Variants in PCTP observed in about 807,000 individuals in gnomAD.
PCTP encodes phosphatidylcholine transfer protein, also known as START domain-containing protein 2.
In PCTP, 27 loss-of-function variants were observed where a neutral mutation model predicts 31.0. The observed-to-expected ratio is 0.87, with a 90% CI of 0.64 to 1.20. The LOEUF is 1.20. PCTP is among the 50% of genes most tolerant of loss of function. The pLI is 0.00. For missense variants in PCTP, 287 were observed against 268.2 expected, an observed-to-expected ratio of 1.07 and a Z score of -0.49; for synonymous variants, 108 against 101.2, an observed-to-expected ratio of 1.07 and a Z score of -0.40.
intron 1 of PCTP, among the ~76,000 whole-genome samples, chr17:55,760,958 G>A (rs1289643009): frequency 2.4e-4 from 36 of 152,146 alleles, no homozygotes; most frequent in Non-Finnish European, 7.3e-5. Context: ...CTGTGTGATG[G>A]GTCTTCTTTA....
intron 3 of PCTP, among the ~76,000 whole-genome samples, chr17:55,798,285 C>T (rs1364766999): frequency 6.6e-6 from 1 of 151,892 alleles, no homozygotes; most frequent in Non-Finnish European, 1.5e-5. Flanking sequence ...GATAATATAG[C>T]AGAAGCAATG....
chr17:55,803,605 G>A (rs1330231781), intron 3 of PCTP, among the ~76,000 whole-genome samples: 2 of 152,094 alleles, frequency 1.3e-5, no homozygotes, highest in Non-Finnish European at 2.9e-5. Context: ...AACAAGCAAT[G>A]GGGAAAGGAT....
At chr17:55,843,216 T>C (rs1906040839), downstream of PCTP, among the ~76,000 whole-genome samples, 1 of 152,176 alleles carries the variant, frequency 6.6e-6, no homozygotes, top group South Asian at 2.1e-4. Context: ...TATTATCTTA[T>C]TTCTTCTAGT....
intron 3 of PCTP, among the ~76,000 whole-genome samples, chr17:55,795,422 G>A (rs1028312331): frequency 6.6e-6 from 1 of 152,038 alleles, no homozygotes; most frequent in Non-Finnish European, 1.5e-5. Flanking sequence ...ATAAAGGGGA[G>A]TGGGGGTTGC....
At chr17:55,766,123 C>A (rs940881291) in intron 1 of PCTP, among the ~76,000 whole-genome samples, 1 of 152,188 alleles carries the variant, frequency 6.6e-6, no homozygotes, top group African/African-American at 2.4e-5. Flanking sequence ...TTATAGCTAT[C>A]TCTAGCACTG....
intron 2 of PCTP, chr17:55,770,895 C>CTTTT (rs5821104): frequency 4.2e-5 from 13 of 307,662 alleles, no homozygotes; most frequent in South Asian, 1.6e-4. Flanking sequence ...GATTTTTTTG[C>CTTTT]TTTTTTTTTT....
intron 3 of PCTP, among the ~76,000 whole-genome samples, chr17:55,801,884 T>C (rs1022932726): frequency 1.4e-4 from 21 of 151,808 alleles, no homozygotes; most frequent in African/African-American, 5.1e-4. Flanking sequence ...CTGAGGGAGA[T>C]AGAGACATGA....
chr17:55,776,524 C>T lies in PCTP; in HGVS notation c.*424C>T, dbSNP rs1403394709. ...GAATGACTATTTGGGCGGGCTGGCT[C>T]TTTTGCAGCTTGTGATTTCTTCCAG... is the stretch of plus-strand genomic sequence containing the variant. On this transcript the variant is annotated 3_prime_UTR_variant, in exon 6 of 6. Transcript: ENST00000268896. 2 of 1,231,974 alleles carry T rather than the reference C, an allele frequency of 1.6e-6. No individual in the cohort carries two copies. Among genetic ancestry groups the T allele is most frequent in the Non-Finnish European group, 1.0e-6 (1 of 988,288 alleles). The allele number at this position is 1,231,974 out of a possible 1,614,324, so 76.3% of individuals were successfully genotyped here.
At chr17:55,790,752 G>A (rs1911933600) in intron 3 of PCTP, among the ~76,000 whole-genome samples, 1 of 149,386 alleles carries the variant, frequency 6.7e-6, no homozygotes, top group South Asian at 2.1e-4. Context: ...CAGATTCAAT[G>A]CCATCCCCAT....
At chr17:55,759,931 T>C (rs1910249167) in intron 1 of PCTP, among the ~76,000 whole-genome samples, 1 of 152,244 alleles carries the variant, frequency 6.6e-6, no homozygotes, top group Non-Finnish European at 1.5e-5. Flanking sequence ...ATAAGTGTAC[T>C]GTTGACAATA....
downstream of PCTP, among the ~76,000 whole-genome samples, chr17:55,827,398 C>A (rs141436455): frequency 1.3e-5 from 2 of 152,364 alleles, no homozygotes; most frequent in Non-Finnish European, 1.5e-5. Flanking sequence ...CAGCTGACCA[C>A]TGAAGCATAA....
the PCTP span, among the ~76,000 whole-genome samples, chr17:55,851,799 C>A: frequency 3.3e-5 from 5 of 152,138 alleles, no homozygotes; most frequent in South Asian, 2.1e-4. Flanking sequence ...CCATCTGAAT[C>A]AAAAAACCTT....
downstream of PCTP, among the ~76,000 whole-genome samples, chr17:55,844,076 T>C (rs1318261340): frequency 1.3e-5 from 2 of 152,210 alleles, no homozygotes; most frequent in Non-Finnish European, 1.5e-5. Context: ...TTCAATTCCA[T>C]TTACTTCCAC....
At chr17:55,826,467 G>GA (rs11407655), downstream of PCTP, among the ~76,000 whole-genome samples, 47,700 of 135,464 alleles carry the variant, frequency 0.35, 7,730 homozygotes, top group East Asian at 0.46. Flanking sequence ...AAAAAGATAA[G>GA]AAAAAAAAAA....
rs755628948 is a variant in PCTP, at chr17:55,767,471, TC to T, written c.259+20del. On this transcript the variant is annotated intron_variant, in intron 2 of 5. Coordinates refer to ENST00000268896, the MANE Select transcript of PCTP (RefSeq NM_021213.4). ...GTTAAAGGTGAGTGATGCTTGCTTTTCTTTTTTTTTTAGACGTACTTTCACT... is the reference window on the plus strand; with the variant it reads ...GTTAAAGGTGAGTGATGCTTGCTTTTTTTTTTTTTTAGACGTACTTTCACT... 7.3e-7 allele frequency: 1 copy of T among 1,369,420 alleles called. No individual in the cohort carries two copies. The highest frequency in any genetic ancestry group is 2.5e-5 in the East Asian group (1 of 39,480). The allele number at this position is 1,369,420 out of a possible 1,614,324, so 84.8% of individuals were successfully genotyped here. A position where few individuals can be genotyped will look rare whatever the true frequency, so the allele number is the denominator to read the frequency against.
At chr17:55,848,755 C>T in the PCTP span, among the ~76,000 whole-genome samples, 1 of 152,104 alleles carries the variant, frequency 6.6e-6, no homozygotes, top group Non-Finnish European at 1.5e-5. Context: ...AAAGGCAAAC[C>T]CAGAATCATC....
At chr17:55,832,770 T>C (rs1006739984) in intron 5 of PCTP, among the ~76,000 whole-genome samples, 1 of 152,224 alleles carries the variant, frequency 6.6e-6, no homozygotes, top group African/African-American at 2.4e-5. Context: ...TAAAACAATT[T>C]TGCTGAATAT....
At chr17:55,768,630 G>T (rs1910815861) in intron 2 of PCTP, among the ~76,000 whole-genome samples, 1 of 152,176 alleles carries the variant, frequency 6.6e-6, no homozygotes, top group South Asian at 2.1e-4. Context: ...GCTAGTACTA[G>T]TAGAACTAGC....
intron 5 of PCTP, among the ~76,000 whole-genome samples, chr17:55,838,486 ATGTTCGTGCT>A (rs1411417684): frequency 6.6e-6 from 1 of 152,102 alleles, no homozygotes. Flanking sequence ...TCTTAGCTCC[ATGTTCGTGCT>A]TGTTGCAGTT....
Sources: allele counts gnomAD v4.1 joint callset (sites outside exome capture counted in the v4.1 genomes callset), GRCh38; gene constraint gnomAD v4.1.1; transcripts MANE v1.5; gene names NCBI Gene and HGNC (gene_info 2026-07-23, HGNC 2026-07-21).